PHLPP1: variants seen among roughly 807,000 people sequenced by gnomAD.
PHLPP1 encodes PH domain leucine-rich repeat-containing protein phosphatase 1.
Under a neutral mutation model 117.2 loss-of-function variants are expected in PHLPP1, and 42 were observed. The observed-to-expected ratio is 0.36, with a 90% CI of 0.28 to 0.46. PHLPP1 has a LOEUF of 0.46. PHLPP1 is among the 20% of genes least tolerant of loss of function. The probability of loss-of-function intolerance (pLI) is 1.00; values close to 1 mark genes in which losing one functional copy is unlikely to be tolerated. For missense variants in PHLPP1, 2,084 were observed against 2,241.9 expected (o/e 0.93, Z 1.42); for synonymous variants, 1,042 against 970.7 (o/e 1.07, Z -1.37).
intron 8 of PHLPP1, among the ~76,000 whole-genome samples, chr18:62,912,605 T>C (rs1056796190): frequency 2.6e-5 from 4 of 151,858 alleles, no homozygotes; most frequent in African/African-American, 7.3e-5. Context: ...CATATAAATA[T>C]CTTGAACAGT....
chr18:62,782,447 T>A (rs1015872900), intron 1 of PHLPP1, among the ~76,000 whole-genome samples: 1 of 152,228 alleles, frequency 6.6e-6, no homozygotes, highest in Non-Finnish European at 1.5e-5. Flanking sequence ...TAAAAAGATG[T>A]GACTTACTGT....
Position 62,975,884 on chromosome 18 carries a change from A to T in PHLPP1, c.3984+259A>T, listed in dbSNP as rs151189637. Among the ~76,000 whole-genome samples the T allele has an allele frequency of 4.8e-3, 736 of 152,274 alleles. 11 individuals are homozygous for T. The highest frequency in any genetic ancestry group is 0.017 in the African/African-American group (694 of 41,550). ...CATTCCATGTTTGCAGCCACTCTGC[A>T]GAGGGCTGCTTTGGTGGTTGAGGGC... On this transcript the variant is annotated intron_variant, in intron 16 of 16. Transcript: ENST00000262719.
rs761088655 is a variant in PHLPP1 at position 62,945,140 on chromosome 18, A to G, written c.3193A>G (p.Ile1065Val). The change falls in exon 12 of 17, where the codon ATT becomes GTT. Residue 1065 changes from isoleucine to valine, a missense_variant. Around this residue, in one of 2 missense-constraint regions of PHLPP1, gnomAD observed 1,365 missense variants for 1,605.9 expected, o/e 0.85. Transcript: ENST00000262719. The stretch of plus-strand genomic sequence containing the variant: ...GGCGAAACTGGAGGAACTTGAAGAA[A>G]TTGATCTCAGTGGGAATAAGCTGAA... Reference protein sequence around the residue: ...KMAKLEELEEIDLSGNKLKAI... With the variant: ...KMAKLEELEEVDLSGNKLKAI... 6.2e-6 allele frequency: 10 copies of G among 1,603,974 alleles called. No individual in the cohort carries two copies. The highest frequency in any genetic ancestry group is 6.8e-6 in the Non-Finnish European group (8 of 1,177,014).
intron 1 of PHLPP1, among the ~76,000 whole-genome samples, chr18:62,766,851 A>G (rs1282217014): frequency 1.3e-5 from 2 of 152,170 alleles, no homozygotes; most frequent in Non-Finnish European, 2.9e-5. Context: ...CGAGTTACCA[A>G]TCACTAACTC....
At chr18:62,912,556 A>G (rs538846740) in intron 8 of PHLPP1, among the ~76,000 whole-genome samples, 1 of 151,866 alleles carries the variant, frequency 6.6e-6, no homozygotes, top group Non-Finnish European at 1.5e-5. Context: ...TAAGAGCAGT[A>G]TAGGAAGAGT....
At chr18:62,852,439 G>A (rs1915380042) in intron 3 of PHLPP1, among the ~76,000 whole-genome samples, 1 of 152,130 alleles carries the variant, frequency 6.6e-6, no homozygotes, top group Admixed American at 6.5e-5. Flanking sequence ...CGCCTCCTGG[G>A]TTCATGCCAT....
intron 4 of PHLPP1, among the ~76,000 whole-genome samples, chr18:62,878,790 G>T (rs1356954823): frequency 6.6e-6 from 1 of 152,128 alleles, no homozygotes; most frequent in Non-Finnish European, 1.5e-5. Flanking sequence ...GTGTGTGTGT[G>T]TGTGTGTGTC....
At chr18:62,751,303 C>G (rs1381644368) in intron 1 of PHLPP1, among the ~76,000 whole-genome samples, 1 of 152,178 alleles carries the variant, frequency 6.6e-6, no homozygotes, top group Non-Finnish European at 1.5e-5. Flanking sequence ...TCCGAACTGT[C>G]TCTAAAACAA....
chr18:62,756,673 A>G (rs1011407424), intron 1 of PHLPP1, among the ~76,000 whole-genome samples: 1 of 152,114 alleles, frequency 6.6e-6, no homozygotes, highest in African/African-American at 2.4e-5. Flanking sequence ...GAAGAGGGGG[A>G]TAGGAAGAAA....
intron 3 of PHLPP1, among the ~76,000 whole-genome samples, chr18:62,851,513 T>C (rs534917036): frequency 2.0e-4 from 30 of 152,268 alleles, no homozygotes; most frequent in Admixed American, 9.8e-4. Flanking sequence ...TAGGCTGGAG[T>C]GCAGTGGTGC....
At chr18:62,858,452 G>A (rs34490480) in intron 3 of PHLPP1, among the ~76,000 whole-genome samples, 9,220 of 151,980 alleles carry the variant, frequency 0.061, 377 homozygotes, top group Middle Eastern at 0.11. Flanking sequence ...TAGTAGAGTC[G>A]GGGTTTCACC....
At chr18:62,921,095 CAG>C (rs1322856118) in intron 10 of PHLPP1, among the ~76,000 whole-genome samples, 3 of 152,152 alleles carry the variant, frequency 2.0e-5, no homozygotes, top group African/African-American at 7.2e-5. Context: ...CTTTAAGTAA[CAG>C]TGGCTGTTAA....
At chr18:62,759,056 A>G (rs1912124600) in intron 1 of PHLPP1, among the ~76,000 whole-genome samples, 1 of 152,236 alleles carries the variant, frequency 6.6e-6, no homozygotes, top group Non-Finnish European at 1.5e-5. Context: ...TGGGAAGTAC[A>G]TAGGATAGAG....
intron 1 of PHLPP1, among the ~76,000 whole-genome samples, chr18:62,791,195 A>G (rs1278005469): frequency 1.3e-5 from 2 of 152,060 alleles, no homozygotes; most frequent in African/African-American, 2.4e-5. Context: ...TTGTGGGATG[A>G]TTGGATTTTC....
At chr18:62,903,312 G>C (rs993933537) in intron 7 of PHLPP1, 146 bp downstream of exon 7, 7 of 627,474 alleles carry the variant, frequency 1.1e-5, no homozygotes, top group Middle Eastern at 4.3e-4. Context: ...AAAGAAAAAT[G>C]CTGACTTATT....
intron 6 of PHLPP1, among the ~76,000 whole-genome samples, chr18:62,897,246 A>G (rs1040355994): frequency 2.6e-5 from 4 of 152,218 alleles, no homozygotes; most frequent in East Asian, 3.8e-4. Flanking sequence ...TAGCTTACAC[A>G]TAAGATCAAT....
chr18:62,839,881 G>A (rs1364405523), intron 3 of PHLPP1: 1 of 150,752 alleles, frequency 6.6e-6, no homozygotes, highest in Admixed American at 6.6e-5. Context: ...GGTAACCTGT[G>A]TAAGAATGTT....
intron 1 of PHLPP1, among the ~76,000 whole-genome samples, chr18:62,722,763 C>G (rs1910960962): frequency 6.6e-6 from 1 of 152,118 alleles, no homozygotes; most frequent in East Asian, 1.9e-4. Flanking sequence ...ACTCCAGAAA[C>G]TTATGATAAA....
intron 12 of PHLPP1, among the ~76,000 whole-genome samples, chr18:62,950,092 G>T (rs899896389): frequency 1.3e-5 from 2 of 152,194 alleles, no homozygotes; most frequent in Non-Finnish European, 2.9e-5. Context: ...GGTGAATGAA[G>T]TTTGTAATTT....
Sources: gnomAD v4.1 joint callset for allele counts (sites outside exome capture counted in the v4.1 genomes callset) on GRCh38, gnomAD v4.1.1 for gene constraint, gnomAD v4.1.1 regional missense constraint, MANE v1.5 for transcripts, NCBI Gene and HGNC (gene_info 2026-07-23, HGNC 2026-07-21) for gene names.